The following DGKB variants were observed in gnomAD, a reference collection of about 807,000 sequenced individuals.
DGKB encodes diacylglycerol kinase beta.
A neutral mutation model predicts 114.3 loss-of-function variants in DGKB; 67 were observed. The observed-to-expected ratio is 0.59, with a 90% CI of 0.48 to 0.72. DGKB has a LOEUF of 0.72. DGKB is among the 30% of genes least tolerant of loss of function. The pLI is 0.00. For synonymous variants in DGKB, 398 were observed against 323.1 expected (o/e 1.23, Z -2.49); for missense variants, 907 against 975.2 (o/e 0.93, Z 0.93).
intron 15 of DGKB, among the ~76,000 whole-genome samples, chr7:14,617,559 C>A (rs1035869438): frequency 6.6e-6 from 1 of 151,620 alleles, no homozygotes; most frequent in African/African-American, 2.4e-5. Flanking sequence ...TAAGAGTAAG[C>A]CTTTTAAAAT....
intron 13 of DGKB, among the ~76,000 whole-genome samples, chr7:14,663,610 TTCCCTTCCTCCCTTCC>T (rs71004323): frequency 8.6e-6 from 1 of 116,380 alleles, no homozygotes; most frequent in East Asian, 2.1e-4. Context: ...TTCTTTTCTT[TTCCCTTCCTCCCTTCC>T]TCCCTTCCTC....
In DGKB at chr7:14,270,048, C is replaced by CAAAA. The variant is rs397889901; in HGVS notation, c.2122+68463_2122+68466dup. ...TAAGTTTATTATAAGGCTTTTTTTGCAAAAAAAAAAAAAAAAAAAAAAAAA... is the reference window on the plus strand; with the variant it reads ...TAAGTTTATTATAAGGCTTTTTTTGCAAAAAAAAAAAAAAAAAAAAAAAAAAAAA... On this transcript the variant is annotated intron_variant, in intron 23 of 25. Transcript: ENST00000402815. Among the ~76,000 whole-genome samples the CAAAA allele has an allele frequency of 3.6e-4, 19 of 52,832 alleles. 1 individual carries two copies. The highest frequency in any genetic ancestry group is 7.4e-4 in the African/African-American group (10 of 13,516). The allele number at this position is 52,832 out of a possible 152,430, so 34.7% of individuals were successfully genotyped here.
chr7:14,792,164 T>C (rs1235664609), intron 2 of DGKB, among the ~76,000 whole-genome samples: 1 of 152,156 alleles, frequency 6.6e-6, no homozygotes, highest in East Asian at 1.9e-4. Context: ...CTTTTGTGTT[T>C]TCTAGCTACA....
chr7:14,550,924 C>T (rs977656699), intron 20 of DGKB, among the ~76,000 whole-genome samples: 3 of 152,142 alleles, frequency 2.0e-5, no homozygotes, highest in South Asian at 2.1e-4. Context: ...ATTCATCTCA[C>T]GACTAGACAA....
intron 4 of DGKB, among the ~76,000 whole-genome samples, chr7:14,741,624 T>G (rs1486656977): frequency 6.6e-6 from 1 of 152,240 alleles, no homozygotes; most frequent in African/African-American, 2.4e-5. Flanking sequence ...TCCTGCTCCA[T>G]GAACAGCTTC....
At chr7:14,820,911 C>A (rs750462202) in intron 2 of DGKB, among the ~76,000 whole-genome samples, 1 of 152,018 alleles carries the variant, frequency 6.6e-6, no homozygotes, top group Non-Finnish European at 1.5e-5. Context: ...ACTTTTTGGG[C>A]CAAATTTCAT....
chr7:14,294,140 A>G (rs568514169), intron 23 of DGKB, among the ~76,000 whole-genome samples: 3 of 152,198 alleles, frequency 2.0e-5, no homozygotes, highest in African/African-American at 4.8e-5. Context: ...AAAGGCAGCA[A>G]TGTTTGGCTC....
chr7:14,611,592 G>A (rs1236551233), intron 16 of DGKB, among the ~76,000 whole-genome samples: 1 of 151,950 alleles, frequency 6.6e-6, no homozygotes, highest in Admixed American at 6.6e-5. Context: ...GACTTCGCGT[G>A]GTCCCAGTCA....
intron 21 of DGKB, among the ~76,000 whole-genome samples, chr7:14,421,769 G>A (rs1826744171): frequency 6.6e-6 from 1 of 152,016 alleles, no homozygotes; most frequent in African/African-American, 2.4e-5. Flanking sequence ...GGCACAAAGA[G>A]CACTGATGTA....
chr7:14,417,852 A>T (rs933136570), intron 21 of DGKB, among the ~76,000 whole-genome samples: 1 of 151,828 alleles, frequency 6.6e-6, no homozygotes, highest in African/African-American at 2.4e-5. Flanking sequence ...GAGGGTTTAT[A>T]CCTTGCAGTA....
rs150516845 is a variant in DGKB at position 14,503,544 on chromosome 7, AT to A, written c.1771-25320del. Among the ~76,000 whole-genome samples the A allele has an allele frequency of 2.2e-3, 336 of 152,292 alleles. 1 individual carries two copies. Among genetic ancestry groups the A allele is most frequent in the African/African-American group, 7.7e-3 (318 of 41,568 alleles). On this transcript the variant is annotated intron_variant, in intron 20 of 25. Coordinates refer to ENST00000402815, the MANE Select transcript of DGKB (RefSeq NM_001350709.2). ...GGGAGTACCCTTGAGGCAATAATAG[AT>A]TCTTATCTTTTTATGGAAGTGGTTT...
At chr7:14,604,474 G>C (rs1008420652) in intron 17 of DGKB, among the ~76,000 whole-genome samples, 1 of 152,040 alleles carries the variant, frequency 6.6e-6, no homozygotes, top group Non-Finnish European at 1.5e-5. Flanking sequence ...AAAAGAATTT[G>C]GAAGAATGCA....
chr7:14,819,262 C>T (rs10269178), intron 2 of DGKB, among the ~76,000 whole-genome samples: 134,934 of 152,210 alleles, frequency 0.89, 60,210 homozygotes, highest in East Asian at 1. Context: ...AAATAAATAA[C>T]TTTCCAAGTA....
intron 2 of DGKB, among the ~76,000 whole-genome samples, chr7:14,819,737 G>A (rs1323000194): frequency 6.6e-6 from 1 of 152,094 alleles, no homozygotes; most frequent in Non-Finnish European, 1.5e-5. Context: ...GGTTTGTAGA[G>A]TTAAAATTTA....
chr7:14,257,290 C>T (rs1476873241), intron 23 of DGKB, among the ~76,000 whole-genome samples: 6 of 152,052 alleles, frequency 3.9e-5, no homozygotes, highest in Non-Finnish European at 7.4e-5. Flanking sequence ...AATGCATTTA[C>T]GATTTCTACC....
At chr7:14,504,324 T>C (rs1563343404) in intron 20 of DGKB, among the ~76,000 whole-genome samples, 1 of 152,196 alleles carries the variant, frequency 6.6e-6, no homozygotes, top group Non-Finnish European at 1.5e-5. Flanking sequence ...GCTGTGCGCC[T>C]TTCTAATGGT....
chr7:14,827,050 A>G (rs1305459698), intron 2 of DGKB, among the ~76,000 whole-genome samples: 3 of 152,154 alleles, frequency 2.0e-5, no homozygotes, highest in Non-Finnish European at 2.9e-5. Flanking sequence ...TGTGGGACTC[A>G]GGCAGAATGG....
Position 14,478,146 on chromosome 7 carries a change from C to A in DGKB, c.1835+15G>T, listed in dbSNP as rs746367706. ...AGCAACTATATCTATAATTTCATCT[C>A]TTTTGTCACCTTACCTACTGTTGAA... On this transcript the variant is annotated intron_variant, in intron 21 of 25. Transcript: ENST00000402815. 1.3e-6 allele frequency: 2 copies of A among 1,572,392 alleles called. No individual in the cohort carries two copies. The highest frequency in any genetic ancestry group is 1.7e-6 in the Non-Finnish European group (2 of 1,149,960).
chr7:14,695,797 G>A (rs980573336), intron 8 of DGKB, among the ~76,000 whole-genome samples: 8 of 151,716 alleles, frequency 5.3e-5, no homozygotes, highest in East Asian at 3.9e-4. Flanking sequence ...TTGAGCCACC[G>A]AGCCCGGCCC....
Sources: allele counts gnomAD v4.1 joint callset (sites outside exome capture counted in the v4.1 genomes callset), GRCh38; gene constraint gnomAD v4.1.1; transcripts MANE v1.5; gene names NCBI Gene and HGNC (gene_info 2026-07-23, HGNC 2026-07-21).